The following MIA2 variants were observed in gnomAD, a reference collection of about 807,000 sequenced individuals.
The protein encoded by MIA2 is MIA SH3 domain ER export factor 2, also known as melanoma inhibitory activity protein 2.
Under a neutral mutation model 167.8 loss-of-function variants are expected in MIA2, and 127 were observed. The ratio of observed to expected loss-of-function variants is 0.76; its 90% CI spans 0.66 to 0.88. The LOEUF (loss-of-function observed/expected upper bound fraction) is 0.88, where lower values mean the gene tolerates loss of function less well. Ranked by LOEUF, MIA2 falls within the 40% of genes least tolerant of loss-of-function variation. The pLI is 0.00. For missense variants in MIA2, 1,690 were observed against 1,624.7 expected, an observed-to-expected ratio of 1.04 and a Z score of -0.69; for synonymous variants, 552 against 541.9, an observed-to-expected ratio of 1.02 and a Z score of -0.26.
intron 23 of MIA2, among the ~76,000 whole-genome samples, chr14:39,364,671 G>A (rs147845343): frequency 2.3e-3 from 343 of 151,742 alleles, no homozygotes; most frequent in African/African-American, 7.7e-3. Flanking sequence ...CTTTTGTTAC[G>A]AAGGAATACT....
intron 23 of MIA2, among the ~76,000 whole-genome samples, chr14:39,381,034 AAAC>A (rs1049838274): frequency 4.6e-5 from 7 of 152,000 alleles, no homozygotes; most frequent in East Asian, 1.9e-4. Flanking sequence ...AAAAAAAAAA[AAAC>A]AAAGGTAACA....
chr14:39,364,875 T>C (rs2074783399), intron 23 of MIA2, among the ~76,000 whole-genome samples: 1 of 152,104 alleles, frequency 6.6e-6, no homozygotes, highest in Non-Finnish European at 1.5e-5. Flanking sequence ...TTGTTGTTTT[T>C]GGAATCCTCT....
chr14:39,341,338 A>G (rs1489653225), intron 25 of MIA2, among the ~76,000 whole-genome samples: 3 of 152,128 alleles, frequency 2.0e-5, no homozygotes, highest in Admixed American at 6.6e-5. Context: ...AAATAAATAA[A>G]TAAATGATGG....
chr14:39,267,133 G>C, intron 6 of MIA2: 1 of 1,149,594 alleles, frequency 8.7e-7, no homozygotes, highest in Non-Finnish European at 1.1e-6. Flanking sequence ...GCGCCTCCCC[G>C]CCTTCTCGCG....
At chr14:39,333,491 C>T (rs181103695) in intron 25 of MIA2, among the ~76,000 whole-genome samples, 2 of 152,134 alleles carry the variant, frequency 1.3e-5, no homozygotes, top group East Asian at 3.9e-4. Context: ...TTGCGGCTTT[C>T]TCCTTTCTAG....
At chr14:39,321,964 T>G (rs1485573814) in intron 24 of MIA2, among the ~76,000 whole-genome samples, 1 of 151,672 alleles carries the variant, frequency 6.6e-6, no homozygotes, top group Admixed American at 6.6e-5. Flanking sequence ...TACAAAAGGT[T>G]GTTTTGCCAC....
intron 25 of MIA2, among the ~76,000 whole-genome samples, chr14:39,342,230 C>A (rs1173987451): frequency 6.7e-6 from 1 of 148,764 alleles, no homozygotes; most frequent in East Asian, 2.0e-4. Context: ...TCTCATTGTT[C>A]AATTCCCACC....
At chr14:39,360,215 T>G (rs1213489283) in intron 23 of MIA2, among the ~76,000 whole-genome samples, 1 of 152,140 alleles carries the variant, frequency 6.6e-6, no homozygotes, top group African/African-American at 2.4e-5. Flanking sequence ...GGGATGAGAA[T>G]CATTTGAACC....
intron 13 of MIA2, among the ~76,000 whole-genome samples, chr14:39,295,259 G>A (rs1369361280): frequency 2.0e-5 from 3 of 152,104 alleles, no homozygotes; most frequent in Non-Finnish European, 4.4e-5. Flanking sequence ...AGGGCATTTA[G>A]CATTTTGGTA....
downstream of MIA2, among the ~76,000 whole-genome samples, chr14:39,351,922 C>T (rs2074397388): frequency 6.6e-6 from 1 of 152,112 alleles, no homozygotes; most frequent in Non-Finnish European, 1.5e-5. Context: ...ATATTTCTTT[C>T]TCAGTAAATC....
intron 23 of MIA2, among the ~76,000 whole-genome samples, chr14:39,380,343 C>T (rs1461500437): frequency 6.6e-5 from 10 of 151,922 alleles, no homozygotes; most frequent in Admixed American, 4.6e-4. Flanking sequence ...AGATGAAAAC[C>T]AGATAGTGAA....
chr14:39,293,458 A>G, intron 11 of MIA2, 77 bp downstream of exon 11: 5 of 975,434 alleles, frequency 5.1e-6, no homozygotes, highest in East Asian at 5.2e-5. Context: ...GATACTGGTT[A>G]AAGTATTACA....
intron 23 of MIA2, chr14:39,386,654 T>C (rs1390399168): frequency 1.9e-6 from 2 of 1,073,696 alleles, no homozygotes; most frequent in East Asian, 2.4e-5. Context: ...TGACAGCTTT[T>C]GGTTCCAGAT....
intron 6 of MIA2, among the ~76,000 whole-genome samples, chr14:39,263,705 C>A (rs1450320579): frequency 4.7e-5 from 7 of 149,424 alleles, no homozygotes; most frequent in Non-Finnish European, 1.0e-4. Context: ...GATCTCAGCT[C>A]ACTGCAATCT....
chr14:39,304,417 T>C (rs1349289371), intron 17 of MIA2, 36 bp downstream of exon 17: 1 of 1,133,294 alleles, frequency 8.8e-7, no homozygotes, highest in African/African-American at 1.6e-5. Context: ...AATGTTTTTC[T>C]AAGTAAGTAC....
At chr14:39,340,120 G>C (rs148151080) in intron 25 of MIA2, among the ~76,000 whole-genome samples, 1 of 152,268 alleles carries the variant, frequency 6.6e-6, no homozygotes, top group African/African-American at 2.4e-5. Flanking sequence ...TGGGATTACA[G>C]ACGTGAGCCA....
chr14:39,335,913 A>G (rs1231174746), intron 25 of MIA2, among the ~76,000 whole-genome samples: 1 of 152,170 alleles, frequency 6.6e-6, no homozygotes, highest in Non-Finnish European at 1.5e-5. Flanking sequence ...AGCTGCATCC[A>G]TGTTGTTGCA....
At chr14:39,278,574 C>T (rs572965778) in intron 7 of MIA2, among the ~76,000 whole-genome samples, 73 of 152,136 alleles carry the variant, frequency 4.8e-4, no homozygotes, top group Non-Finnish European at 9.6e-4. Context: ...AATGAATTCC[C>T]GCCTGCTTCA....
At chr14:39,386,463 C>G in intron 23 of MIA2, 1 of 1,536,880 alleles carries the variant, frequency 6.5e-7, no homozygotes, top group South Asian at 1.1e-5. Context: ...CTCTGATTGG[C>G]CCAGTCTTTT....
Sources: gnomAD v4.1 joint callset for allele counts (sites outside exome capture counted in the v4.1 genomes callset) on GRCh38, gnomAD v4.1.1 for gene constraint, MANE v1.5 for transcripts, NCBI Gene and HGNC (gene_info 2026-07-23, HGNC 2026-07-21) for gene names.